The following DMD variants were observed in gnomAD, a reference collection of about 807,000 sequenced individuals.
DMD encodes the protein mutant dystrophin.
In DMD, 63 loss-of-function variants were observed where a neutral mutation model predicts 330.1. The observed-to-expected ratio is 0.19, with a 90% CI of 0.16 to 0.24. The LOEUF is 0.24. DMD is among the 10% of genes least tolerant of loss of function. DMD has a pLI of 1.00. For missense variants in DMD, 3,344 were observed against 2,684.1 expected (o/e 1.25, Z -5.43); for synonymous variants, 1,223 against 959.8 (o/e 1.27, Z -5.07).
rs374247476 is a variant in DMD, at chrX:31,697,886, A to G, written c.7661-18300T>C. Among the ~76,000 whole-genome samples the G allele has an allele frequency of 3.6e-5, 4 of 111,926 alleles. No homozygotes were observed. The East Asian group carries it at 1.1e-3, about 31-fold the overall frequency. ...TATAACCCTGGATTAGCGATGAAAT[A>G]GTGGATTTAAATGGGAAAAGTTGAT... On this transcript the variant is annotated intron_variant, in intron 52 of 78. Transcript: ENST00000357033.
chrX:31,124,963 G>C (rs776567126), intron 78 of DMD, among the ~76,000 whole-genome samples: 17 of 111,328 alleles, frequency 1.5e-4, no homozygotes, highest in African/African-American at 4.9e-4. Flanking sequence ...TCTGCTTTAC[G>C]TACATTTGGG....
At chrX:31,385,297 CA>C (rs2060395882) in intron 60 of DMD, among the ~76,000 whole-genome samples, 1 of 111,718 alleles carries the variant, frequency 9.0e-6, no homozygotes, top group African/African-American at 3.3e-5. Flanking sequence ...GCGCTGTTAA[CA>C]ACTGAATCAA....
intron 12 of DMD, among the ~76,000 whole-genome samples, chrX:32,606,805 C>CG (rs58741349): frequency 0.57 from 60,323 of 106,056 alleles, 14,407 homozygotes; most frequent in African/African-American, 0.91. Flanking sequence ...ACTACACAGC[C>CG]TAAGAAAGTA....
At chrX:31,922,560 A>C (rs1220488147) in intron 47 of DMD, among the ~76,000 whole-genome samples, 2 of 108,183 alleles carry the variant, frequency 1.8e-5, no homozygotes, top group African/African-American at 3.4e-5. Context: ...CAGAGGAGGC[A>C]GACCTCGGTA....
chrX:32,033,653 G>GAAAGAAAGAAAGAAGAAAGA (rs201179363), intron 44 of DMD, among the ~76,000 whole-genome samples: 63 of 58,996 alleles, frequency 1.1e-3, no homozygotes, highest in African/African-American at 4.2e-3. Flanking sequence ...AAGAAAGAAA[G>GAAAGAAAGAAAGAAGAAAGA]AAGAAAGAAA....
intron 2 of DMD, among the ~76,000 whole-genome samples, chrX:32,991,760 C>T (rs996050655): frequency 2.7e-5 from 3 of 111,654 alleles, no homozygotes; most frequent in African/African-American, 9.8e-5. Flanking sequence ...AAAAAAATGC[C>T]ACAGATTCTT....
chrX:32,251,591 T>A (rs749195507), intron 43 of DMD, among the ~76,000 whole-genome samples: 2 of 111,825 alleles, frequency 1.8e-5, no homozygotes, highest in South Asian at 7.5e-4. Flanking sequence ...TCTCAAGGCT[T>A]GGTCTATGCT....
At chrX:31,323,127 A>G (rs1046988218) in intron 62 of DMD, among the ~76,000 whole-genome samples, 1 of 112,131 alleles carries the variant, frequency 8.9e-6, no homozygotes, top group South Asian at 3.7e-4. Context: ...AGAATGAACA[A>G]CTAAGCCCTA....
At chrX:32,030,531 T>C (rs1450811332) in intron 44 of DMD, among the ~76,000 whole-genome samples, 2 of 112,017 alleles carry the variant, frequency 1.8e-5, no homozygotes, top group Non-Finnish European at 3.8e-5. Context: ...GATCAAACAG[T>C]CAAAAATTTC....
At chrX:32,091,507 C>T (rs775752219) in intron 44 of DMD, among the ~76,000 whole-genome samples, 1 of 110,237 alleles carries the variant, frequency 9.1e-6, no homozygotes, top group African/African-American at 3.3e-5. Context: ...AGGGCTGCTA[C>T]AGCTATTTTT....
At chrX:31,418,498 G>A (rs780658451) in intron 60 of DMD, among the ~76,000 whole-genome samples, 2 of 111,825 alleles carry the variant, frequency 1.8e-5, no homozygotes, top group African/African-American at 6.5e-5. Flanking sequence ...ATATACTAGG[G>A]AATGACAATG....
chrX:32,972,511 T>C (rs2092418321), intron 2 of DMD, among the ~76,000 whole-genome samples: 1 of 111,905 alleles, frequency 8.9e-6, no homozygotes, highest in Non-Finnish European at 1.9e-5. Context: ...CACTAAAAAC[T>C]GCTCAGGAGG....
At chrX:31,619,031 T>C (rs745483359) in intron 55 of DMD, among the ~76,000 whole-genome samples, 1 of 111,287 alleles carries the variant, frequency 9.0e-6, no homozygotes, top group Admixed American at 9.6e-5. Flanking sequence ...TGGTATTACA[T>C]CATGCAAGCA....
chrX:31,368,138 C>T (rs1360966445), intron 60 of DMD, among the ~76,000 whole-genome samples: 1 of 111,645 alleles, frequency 9.0e-6, no homozygotes, highest in East Asian at 2.8e-4. Context: ...TTCCCCTGAC[C>T]CCCATGACAT....
At chrX:32,303,370 C>G (rs545496682) in intron 42 of DMD, among the ~76,000 whole-genome samples, 14 of 110,681 alleles carry the variant, frequency 1.3e-4, no homozygotes, top group African/African-American at 4.2e-4. Context: ...GTTCTAGATA[C>G]AGTGGTGGAG....
chrX:32,141,583 G>A (rs2096753469), intron 44 of DMD, among the ~76,000 whole-genome samples: 1 of 110,917 alleles, frequency 9.0e-6, no homozygotes, highest in South Asian at 3.8e-4. Flanking sequence ...TTTGCTCTCT[G>A]TGCCTCCTAA....
At chrX:31,522,359 C>CTATATATATATA (rs1163138588) in intron 55 of DMD, among the ~76,000 whole-genome samples, 6 of 53,991 alleles carry the variant, frequency 1.1e-4, no homozygotes, top group South Asian at 9.8e-4. Context: ...CTCTCTCTCT[C>CTATATATATATA]TCTCTATATA....
intron 5 of DMD, among the ~76,000 whole-genome samples, chrX:32,820,591 T>C (rs1370500375): frequency 2.7e-5 from 3 of 112,064 alleles, no homozygotes; most frequent in African/African-American, 9.7e-5. Flanking sequence ...GGTAAGATCA[T>C]ATAAGAAGTA....
chrX:32,171,038 A>G (rs1266802036), intron 44 of DMD, among the ~76,000 whole-genome samples: 1 of 111,973 alleles, frequency 8.9e-6, no homozygotes, highest in Non-Finnish European at 1.9e-5. Context: ...GGTGATATCT[A>G]CATCTCTATA....
Sources: gnomAD v4.1 joint callset for allele counts (sites outside exome capture counted in the v4.1 genomes callset) on GRCh38, gnomAD v4.1.1 for gene constraint, MANE v1.5 for transcripts, NCBI Gene and HGNC (gene_info 2026-07-23, HGNC 2026-07-21) for gene names.